CNOT6L: variants seen among roughly 807,000 people sequenced by gnomAD.
The protein encoded by CNOT6L is CCR4-NOT transcription complex subunit 6 like, also known as CCR4-NOT transcription complex subunit 6-like.
In CNOT6L, 7 loss-of-function variants were observed where a neutral mutation model predicts 64.0. The ratio of observed to expected loss-of-function variants is 0.11; its 90% CI spans 0.06 to 0.21. The LOEUF is 0.21. CNOT6L is among the 10% of genes least tolerant of loss of function. The pLI is 1.00. For synonymous variants in CNOT6L, 193 were observed against 243.4 expected (o/e 0.79, Z 1.93); for missense variants, 245 against 669.0 (o/e 0.37, Z 6.99).
At position 77,758,627 on chromosome 4, in the gene CNOT6L, GCTAGAA is replaced by G. The variant is rs1260196359; in HGVS notation, c.401-1682_401-1677del. On this transcript the variant is annotated intron_variant, in intron 4 of 11. Transcript: ENST00000504123. ...AACTTACTGGCAGCAGAAGTCCACA[GCTAGAA>G]CTAGAACTAGAACACTTTAAAGTGT... Among the ~76,000 whole-genome samples the G allele has an allele frequency of 2.0e-5, 3 of 152,268 alleles. No homozygotes were observed. The South Asian group carries it at 6.2e-4, about 32-fold the overall frequency.
Position 77,740,952 on chromosome 4 carries a change from G to C in CNOT6L, c.872+1189C>G, listed in dbSNP as rs72864929. ...CAACAGGCTATACCTTATAGCCTAG[G>C]TGTATAGTGCTGTACCATCTAGGTT... On this transcript the variant is annotated intron_variant, in intron 8 of 11. Transcript: ENST00000504123. Among the ~76,000 whole-genome samples, 271 of 152,266 alleles carry C rather than the reference G, an allele frequency of 1.8e-3. 2 individuals carry two copies. The highest frequency in any genetic ancestry group is 5.4e-3 in the African/African-American group (226 of 41,548).
At chr4:77,755,236 T>G (rs966533990) in intron 5 of CNOT6L, among the ~76,000 whole-genome samples, 5 of 123,734 alleles carry the variant, frequency 4.0e-5, no homozygotes, top group East Asian at 2.3e-4. Flanking sequence ...TTTTTTTTTT[T>G]TTTTTTTTTT....
intron 4 of CNOT6L, among the ~76,000 whole-genome samples, chr4:77,764,951 C>G (rs1726661163): frequency 6.6e-6 from 1 of 152,098 alleles, no homozygotes; most frequent in Non-Finnish European, 1.5e-5. Flanking sequence ...TGAGTAGGGG[C>G]TGGGTAAAAT....
At chr4:77,768,655 A>G (rs1195787615) in intron 4 of CNOT6L, among the ~76,000 whole-genome samples, 1 of 151,746 alleles carries the variant, frequency 6.6e-6, no homozygotes, top group Non-Finnish European at 1.5e-5. Context: ...GGCTAAAAAC[A>G]TCAACAGTAA....
intron 1 of CNOT6L, among the ~76,000 whole-genome samples, chr4:77,785,586 A>G (rs1729337930): frequency 1.3e-5 from 2 of 152,212 alleles, no homozygotes. Flanking sequence ...CTTATTTTTT[A>G]AATTACCAAA....
chr4:77,723,177 A>G (rs2109857889), intron 11 of CNOT6L, among the ~76,000 whole-genome samples: 1 of 152,310 alleles, frequency 6.6e-6, no homozygotes, highest in East Asian at 1.9e-4. Flanking sequence ...GTAGGTTTGA[A>G]TTAAGCTGTT....
chr4:77,807,944 A>G (rs1212733411), intron 1 of CNOT6L, among the ~76,000 whole-genome samples: 1 of 152,208 alleles, frequency 6.6e-6, no homozygotes, highest in East Asian at 1.9e-4. Context: ...GAAATGAGTT[A>G]GTTCACGTAA....
chr4:77,781,640 C>A (rs754260303), intron 1 of CNOT6L, among the ~76,000 whole-genome samples: 4 of 152,104 alleles, frequency 2.6e-5, no homozygotes, highest in Non-Finnish European at 5.9e-5. Flanking sequence ...CCTGAAAAAA[C>A]AAGCTGGCCA....
At chr4:77,787,543 G>A (rs897016325) in intron 1 of CNOT6L, among the ~76,000 whole-genome samples, 6 of 152,202 alleles carry the variant, frequency 3.9e-5, no homozygotes, top group Middle Eastern at 6.8e-3. Context: ...CTTACCCCCA[G>A]TTTCTCAGCA....
rs1722445300 is a variant in CNOT6L at position 77,731,672 on chromosome 4, A to G, written c.873-134T>C. 9 of 600,158 alleles carry G rather than the reference A, an allele frequency of 1.5e-5. No homozygotes were observed. The East Asian group carries it at 2.9e-4, about 19-fold the overall frequency. The allele number at this position is 600,158 out of a possible 1,614,324, so 37.2% of individuals were successfully genotyped here. ...GTGACCATGTGATACAGTTCTGGCC[A>G]CTAAGACACAAGAAGTCTGATTATT... On this transcript the variant is annotated intron_variant, in intron 8 of 11. Transcript: ENST00000504123.
At chr4:77,818,912 T>C (rs6811439) in intron 1 of CNOT6L, 307,642 of 540,904 alleles carry the variant, frequency 0.57, 90,098 homozygotes, top group Non-Finnish European at 0.61. Context: ...CCAGCCCCGC[T>C]GCCGCGCGTG....
intron 1 of CNOT6L, among the ~76,000 whole-genome samples, chr4:77,802,149 T>C (rs1731656941): frequency 6.6e-6 from 1 of 152,196 alleles, no homozygotes; most frequent in Non-Finnish European, 1.5e-5. Flanking sequence ...TTGATGATTG[T>C]GAGGTGTGTT....
chr4:77,804,439 A>G (rs577625088), intron 1 of CNOT6L, among the ~76,000 whole-genome samples: 1 of 152,276 alleles, frequency 6.6e-6, no homozygotes, highest in African/African-American at 2.4e-5. Context: ...AAAAAAAAAA[A>G]AAAAGGAATG....
At chr4:77,788,928 C>A (rs1269104890) in intron 1 of CNOT6L, among the ~76,000 whole-genome samples, 1 of 151,954 alleles carries the variant, frequency 6.6e-6, no homozygotes, top group African/African-American at 2.4e-5. Flanking sequence ...AAATAAAATA[C>A]AGCCATATCT....
Position 77,768,116 on chromosome 4 carries a change from A to C in CNOT6L, c.400+4965T>G, listed in dbSNP as rs188027100. Among the ~76,000 whole-genome samples the C allele has an allele frequency of 2.6e-3, 395 of 152,300 alleles. 1 individual carries two copies. Among genetic ancestry groups the C allele is most frequent in the Non-Finnish European group, 3.6e-3 (246 of 68,024 alleles). ...AAGGGCAAGATTTCTGTTATTAACA[A>C]CACACAAATGTACTAACTACAAGAG... On this transcript the variant is annotated intron_variant, in intron 4 of 11. Transcript: ENST00000504123.
intron 10 of CNOT6L, among the ~76,000 whole-genome samples, chr4:77,726,903 T>C (rs941980594): frequency 1.3e-5 from 2 of 152,244 alleles, no homozygotes; most frequent in Non-Finnish European, 2.9e-5. Flanking sequence ...GTGAGTTTTC[T>C]CAGTCTGACA....
chr4:77,781,392 G>T (rs1039959726), intron 1 of CNOT6L, among the ~76,000 whole-genome samples: 1 of 151,950 alleles, frequency 6.6e-6, no homozygotes, highest in East Asian at 1.9e-4. Context: ...TATTTTAGGG[G>T]GTTTTTGTAT....
At chr4:77,788,106 A>C (rs1202489372) in intron 1 of CNOT6L, among the ~76,000 whole-genome samples, 2 of 152,234 alleles carry the variant, frequency 1.3e-5, no homozygotes, top group African/African-American at 4.8e-5. Context: ...GCAAAAAGTA[A>C]GTTAAAATAG....
intron 6 of CNOT6L, among the ~76,000 whole-genome samples, chr4:77,747,995 T>C (rs1724399547): frequency 6.6e-6 from 1 of 152,200 alleles, no homozygotes; most frequent in Admixed American, 6.5e-5. Flanking sequence ...TTTGGAAAGC[T>C]GTATTATAGA....
Sources: gnomAD v4.1 joint callset for allele counts (sites outside exome capture counted in the v4.1 genomes callset) on GRCh38, gnomAD v4.1.1 for gene constraint, MANE v1.5 for transcripts, NCBI Gene and HGNC (gene_info 2026-07-23, HGNC 2026-07-21) for gene names.